DGKB: variants seen among roughly 807,000 people sequenced by gnomAD.
The protein encoded by DGKB is 90 kDa diacylglycerol kinase.
In DGKB, 67 loss-of-function variants were observed where a neutral mutation model predicts 114.3. The observed-to-expected ratio is 0.59, with a 90% CI of 0.48 to 0.72. DGKB has a LOEUF of 0.72. Ranked by LOEUF, DGKB falls within the 30% of genes least tolerant of loss-of-function variation. DGKB has a pLI of 0.00. For synonymous variants in DGKB, 398 were observed against 323.1 expected, an observed-to-expected ratio of 1.23 and a Z score of -2.49; for missense variants, 907 against 975.2, an observed-to-expected ratio of 0.93 and a Z score of 0.93.
chr7:14,479,638 C>G (rs897803940), intron 20 of DGKB, among the ~76,000 whole-genome samples: 4 of 152,106 alleles, frequency 2.6e-5, no homozygotes, highest in African/African-American at 9.7e-5. Flanking sequence ...CCAACGATAA[C>G]TCTCTAATCT....
intron 23 of DGKB, among the ~76,000 whole-genome samples, chr7:14,199,782 G>T (rs1408341212): frequency 1.3e-5 from 2 of 151,994 alleles, no homozygotes; most frequent in African/African-American, 2.4e-5. Context: ...TAAGATTTCT[G>T]AAATAAAAGG....
intron 12 of DGKB, among the ~76,000 whole-genome samples, chr7:14,678,682 C>G (rs1820302438): frequency 6.6e-6 from 1 of 151,938 alleles, no homozygotes; most frequent in Admixed American, 6.6e-5. Flanking sequence ...ATATAACAAA[C>G]TAGTATTTTC....
intron 20 of DGKB, among the ~76,000 whole-genome samples, chr7:14,483,644 T>A (rs1429947180): frequency 6.6e-6 from 1 of 152,092 alleles, no homozygotes; most frequent in African/African-American, 2.4e-5. Flanking sequence ...ATGGTAAAGG[T>A]TTTTGAAAAT....
intron 1 of DGKB, among the ~76,000 whole-genome samples, chr7:14,941,619 G>A (rs985122080): frequency 7.2e-5 from 11 of 152,140 alleles, no homozygotes; most frequent in African/African-American, 2.6e-4. Context: ...AACAATTAAT[G>A]AGGGTGATTT....
At chr7:14,558,522 C>T (rs950765981) in intron 20 of DGKB, among the ~76,000 whole-genome samples, 3 of 151,974 alleles carry the variant, frequency 2.0e-5, no homozygotes, top group Non-Finnish European at 4.4e-5. Context: ...GATCAATTTG[C>T]CTTTAAGATT....
chr7:14,885,805 C>T (rs217579), intron 1 of DGKB, among the ~76,000 whole-genome samples: 150,922 of 151,986 alleles, frequency 0.99, 74,946 homozygotes, highest in Middle Eastern at 1. Flanking sequence ...TTAATGAAAA[C>T]CAGACAACTA....
chr7:14,709,471 T>C (rs1826936240), intron 6 of DGKB, among the ~76,000 whole-genome samples: 1 of 117,410 alleles, frequency 8.5e-6, no homozygotes, highest in African/African-American at 3.0e-5. Flanking sequence ...ACTGGGTATA[T>C]ACCCAAATGA....
At chr7:14,747,775 G>GCGCGCGCGCGCGCGCGCGCGCGCA in intron 4 of DGKB, among the ~76,000 whole-genome samples, 1 of 149,178 alleles carries the variant, frequency 6.7e-6, no homozygotes, top group African/African-American at 2.5e-5. Flanking sequence ...ACATCCACGC[G>GCGCGCGCGCGCGCGCGCGCGCGCA]CACGCACACA....
chr7:14,177,584 G>A (rs1781971815), intron 24 of DGKB, among the ~76,000 whole-genome samples: 1 of 135,276 alleles, frequency 7.4e-6, no homozygotes, highest in South Asian at 2.2e-4. Context: ...AAAAAAATTG[G>A]GGGGAAATTT....
At position 14,742,990 on chromosome 7, in the gene DGKB, C is replaced by G. The variant is rs114061941; in HGVS notation, c.169-6796G>C. On this transcript the variant is annotated intron_variant, in intron 4 of 25. Transcript: ENST00000402815. The stretch of plus-strand genomic sequence containing the variant: ...ATCCTGTGTATGAACATTGACTAAA[C>G]TCAAAGGATATTATATGTTTTTTTC... Among the ~76,000 whole-genome samples the G allele has an allele frequency of 2.7e-3, 417 of 152,234 alleles. 2 individuals are homozygous for G. Among genetic ancestry groups the G allele is most frequent in the African/African-American group, 9.2e-3 (384 of 41,566 alleles).
chr7:14,460,478 T>C (rs918917093), intron 21 of DGKB, among the ~76,000 whole-genome samples: 7 of 151,562 alleles, frequency 4.6e-5, no homozygotes, highest in African/African-American at 1.7e-4. Context: ...AAACAGACTT[T>C]AAATCAACAA....
At chr7:14,298,292 C>T (rs1198816844) in intron 23 of DGKB, among the ~76,000 whole-genome samples, 2 of 152,244 alleles carry the variant, frequency 1.3e-5, no homozygotes, top group East Asian at 3.9e-4. Context: ...ATCACGCTAC[C>T]TGACTTCAAA....
chr7:14,952,750 C>G (rs1327294249), intron 1 of DGKB, among the ~76,000 whole-genome samples: 2 of 151,954 alleles, frequency 1.3e-5, no homozygotes, highest in Non-Finnish European at 2.9e-5. Flanking sequence ...CAAAGCGAGA[C>G]TCTGTCTCAA....
At chr7:14,303,723 C>A (rs1170420590) in intron 23 of DGKB, among the ~76,000 whole-genome samples, 1 of 152,074 alleles carries the variant, frequency 6.6e-6, no homozygotes, top group African/African-American at 2.4e-5. Context: ...AGGTCCCTGC[C>A]ACCTGTGCTG....
intron 23 of DGKB, among the ~76,000 whole-genome samples, chr7:14,261,631 A>T (rs13242592): frequency 0.24 from 36,826 of 152,100 alleles, 5,309 homozygotes; most frequent in East Asian, 0.56. Context: ...TAGTCTATAC[A>T]TGACTAAATA....
intron 21 of DGKB, among the ~76,000 whole-genome samples, chr7:14,454,014 T>C (rs1169690317): frequency 6.6e-6 from 1 of 152,152 alleles, no homozygotes; most frequent in Non-Finnish European, 1.5e-5. Flanking sequence ...TATTATATCT[T>C]ATTGATATAT....
intron 6 of DGKB, among the ~76,000 whole-genome samples, chr7:14,714,923 A>G (rs1827951831): frequency 6.6e-6 from 1 of 152,166 alleles, no homozygotes; most frequent in Non-Finnish European, 1.5e-5. Context: ...AACAGTTTTA[A>G]TTTACTTTTA....
chr7:14,414,346 G>C (rs551350153), intron 21 of DGKB, among the ~76,000 whole-genome samples: 312 of 152,160 alleles, frequency 2.1e-3, no homozygotes, highest in Non-Finnish European at 3.4e-3. Flanking sequence ...CTAAAAATGA[G>C]AGTTGAAAAG....
intron 2 of DGKB, among the ~76,000 whole-genome samples, chr7:14,833,885 T>C (rs988744485): frequency 2.0e-5 from 3 of 152,148 alleles, no homozygotes; most frequent in Non-Finnish European, 4.4e-5. Context: ...TCTATCCATA[T>C]GCGCAGAGTT....
Sources: gnomAD v4.1 joint callset for allele counts (sites outside exome capture counted in the v4.1 genomes callset) on GRCh38, gnomAD v4.1.1 for gene constraint, MANE v1.5 for transcripts, NCBI Gene and HGNC (gene_info 2026-07-23, HGNC 2026-07-21) for gene names.